OPA1: variants seen among roughly 807,000 people sequenced by gnomAD.
The protein encoded by OPA1 is OPA1 mitochondrial dynamin like GTPase.
In OPA1, 59 loss-of-function variants were observed where a neutral mutation model predicts 152.9. That is an observed-to-expected ratio of 0.39 (90% confidence interval 0.31 to 0.48). OPA1 has a LOEUF of 0.48. Ranked by LOEUF, OPA1 falls within the 20% of genes least tolerant of loss-of-function variation. The probability of loss-of-function intolerance (pLI) is 0.96; values close to 1 mark genes in which losing one functional copy is unlikely to be tolerated. For synonymous variants in OPA1, 400 were observed against 389.9 expected (o/e 1.03, Z -0.31); for missense variants, 1,008 against 1,216.8 (o/e 0.83, Z 2.55).
Position 193,648,872 on chromosome 3 carries a change from G to GT in OPA1, c.2012+2dup. 2 of 1,572,146 alleles carry GT rather than the reference G, an allele frequency of 1.3e-6. No individual in the cohort carries two copies. Among genetic ancestry groups the GT allele is most frequent in the Non-Finnish European group, 1.8e-6 (2 of 1,142,096 alleles). ...TGAGCCAGGTTACACCAAAACATTGGTAAGTATTTGATATTAATCTCTTTT... is the reference window on the plus strand; with the variant it reads ...TGAGCCAGGTTACACCAAAACATTGGTTAAGTATTTGATATTAATCTCTTTT... On this transcript the variant is annotated splice_donor_variant, in intron 21 of 30. Coordinates refer to ENST00000361510, the MANE Select transcript of OPA1 (RefSeq NM_130837.3). LOFTEE classifies it high-confidence loss of function.
chr3:193,665,522 A>G (rs1321847768), intron 27 of OPA1, among the ~76,000 whole-genome samples: 1 of 152,174 alleles, frequency 6.6e-6, no homozygotes, highest in Admixed American at 6.5e-5. Context: ...TTAAATAATC[A>G]TAAAGTTCTT....
chr3:193,595,135 G>C (rs1204287353), intron 1 of OPA1, among the ~76,000 whole-genome samples: 1 of 152,188 alleles, frequency 6.6e-6, no homozygotes, highest in East Asian at 1.9e-4. Context: ...ACCTAAAGAA[G>C]TAGAGATGTG....
chr3:193,625,853 C>T (rs976838468), intron 6 of OPA1, among the ~76,000 whole-genome samples: 5 of 151,232 alleles, frequency 3.3e-5, no homozygotes, highest in African/African-American at 7.3e-5. Context: ...CTTATTATTG[C>T]ACTTTCCTTT....
At chr3:193,674,041 C>T (rs901362097) in intron 29 of OPA1, among the ~76,000 whole-genome samples, 1 of 152,228 alleles carries the variant, frequency 6.6e-6, no homozygotes, top group Non-Finnish European at 1.5e-5. Flanking sequence ...GTCGGGCTCG[C>T]AGCAGCGTGC....
chr3:193,693,250 C>T (rs942961342), intron 30 of OPA1, among the ~76,000 whole-genome samples: 9 of 152,314 alleles, frequency 5.9e-5, no homozygotes, highest in African/African-American at 2.2e-4. Flanking sequence ...TTCCATGGTA[C>T]ATCATTCGGA....
chr3:193,647,933 G>A, intron 19 of OPA1, 137 bp from the exon 20 acceptor site: 1 of 686,864 alleles, frequency 1.5e-6, no homozygotes, highest in Non-Finnish European at 2.7e-6. Flanking sequence ...GAGACGTTGA[G>A]ATCCCAGAGT....
In OPA1 at chr3:193,637,251, C is replaced by T; in HGVS notation, c.1005C>T (p.Ala335=). 6.2e-7 allele frequency: 1 copy of T among 1,606,534 alleles called. No individual in the cohort carries two copies. Among genetic ancestry groups the T allele is most frequent in the Non-Finnish European group, 8.5e-7 (1 of 1,175,012 alleles). ...EVLDVLSDYD[A]SYNTQDHLPR... Reference sequence around the variant, plus strand: ...TTGATGTTCTCTCTGATTATGATGCCAGTTATAATACGCAAGATCATCTGC... The same window carrying T: ...TTGATGTTCTCTCTGATTATGATGCTAGTTATAATACGCAAGATCATCTGC... Residue 335 remains alanine (A), a synonymous_variant, in exon 10 of 31, where the codon GCC becomes GCT. Coordinates refer to ENST00000361510, the MANE Select transcript of OPA1 (RefSeq NM_130837.3).
chr3:193,635,755 G>T (rs1019645301), intron 9 of OPA1, among the ~76,000 whole-genome samples: 8 of 151,942 alleles, frequency 5.3e-5, no homozygotes, highest in Admixed American at 2.0e-4. Flanking sequence ...GAGTTATTTC[G>T]TGTGAATCAG....
intron 29 of OPA1, among the ~76,000 whole-genome samples, chr3:193,683,410 C>T (rs1721231760): frequency 6.6e-6 from 1 of 151,746 alleles, no homozygotes; most frequent in South Asian, 2.1e-4. Flanking sequence ...GTAGATAAAG[C>T]AGCTGCAGGG....
At position 193,667,209 on chromosome 3, in the gene OPA1, A is replaced by T. The variant is rs768115265; in HGVS notation, c.2912A>T (p.Asp971Val). Residue 971 changes from aspartate (D) to valine (V), a missense_variant, in exon 29 of 31, where the codon GAT becomes GTT. Around this residue, in one of 7 missense-constraint regions of OPA1, gnomAD observed 137 missense variants for 171.0 expected, o/e 0.80. Transcript: ENST00000361510. ...LEKNVKEVLE[D>V]FAEDGEKKIK... is the part of the protein sequence containing the mutation. ...AAAAATGTTAAAGAGGTATTGGAAG[A>T]TTTTGCTGAAGATGGTGAGAAGAAG... 12 of 1,607,500 alleles carry T rather than the reference A, an allele frequency of 7.5e-6. No individual in the cohort carries two copies. In the South Asian group the frequency reaches 8.8e-5, roughly 12 times the overall value.
At chr3:193,652,207 C>A (rs528734208) in intron 21 of OPA1, among the ~76,000 whole-genome samples, 2 of 152,104 alleles carry the variant, frequency 1.3e-5, no homozygotes, top group South Asian at 4.2e-4. Flanking sequence ...ATGGTGAAAA[C>A]CCTGTCTCTA....
chr3:193,663,514 G>A (rs1715801000), intron 26 of OPA1, among the ~76,000 whole-genome samples: 1 of 151,878 alleles, frequency 6.6e-6, no homozygotes, highest in South Asian at 2.1e-4. Context: ...TGCTTTTTTT[G>A]AGGATGAATT....
In OPA1 at chr3:193,643,969, T is replaced by C; in HGVS notation, c.1478-6T>C. The C allele has an allele frequency of 1.9e-6, 3 of 1,613,576 alleles. No individual in the cohort carries two copies. The highest frequency in any genetic ancestry group is 2.5e-6 in the Non-Finnish European group (3 of 1,179,692). ...TTCCACAGTGTCATTTTTTTATTTT[T>C]TTCAGATGGATCTGTGGATGCTGAA... On this transcript the variant is annotated splice_region_variant and splice_polypyrimidine_tract_variant and intron_variant, in intron 15 of 30. Transcript: ENST00000361510.
At chr3:193,664,154 C>T (rs1451109484) in intron 26 of OPA1, among the ~76,000 whole-genome samples, 1 of 151,938 alleles carries the variant, frequency 6.6e-6, no homozygotes, top group Non-Finnish European at 1.5e-5. Context: ...GTTCAGTGCA[C>T]TTTGCAAAGC....
intron 7 of OPA1, among the ~76,000 whole-genome samples, chr3:193,630,457 A>G (rs1352674391): frequency 6.6e-6 from 1 of 152,068 alleles, no homozygotes; most frequent in African/African-American, 2.4e-5. Context: ...AAGTATTTAG[A>G]AATAGGAATT....
intron 1 of OPA1, among the ~76,000 whole-genome samples, chr3:193,596,351 C>CTTAT (rs1199731758): frequency 3.3e-4 from 46 of 137,706 alleles, no homozygotes; most frequent in Non-Finnish European, 4.3e-4. Context: ...CTTTTCTTTT[C>CTTAT]TTTTCTTTTC....
chr3:193,605,179 C>T (rs1232686096), intron 1 of OPA1, among the ~76,000 whole-genome samples: 5 of 152,132 alleles, frequency 3.3e-5, no homozygotes, highest in Non-Finnish European at 5.9e-5. Flanking sequence ...TTATGGAATG[C>T]TAGAGAAGGC....
chr3:193,646,905 G>C (rs1039761673), intron 18 of OPA1, among the ~76,000 whole-genome samples, 160 bp from the exon 19 acceptor site: 1 of 152,178 alleles, frequency 6.6e-6, no homozygotes, highest in South Asian at 2.1e-4. Context: ...AGTAGCTACC[G>C]TATTGGAATG....
At chr3:193,648,618 T>TA in intron 20 of OPA1, 177 bp from the exon 21 acceptor site, 1 of 560,064 alleles carries the variant, frequency 1.8e-6, no homozygotes. Context: ...TCTTTGTCCT[T>TA]ATCTGCATAA....
Sources: allele counts gnomAD v4.1 joint callset (sites outside exome capture counted in the v4.1 genomes callset), GRCh38; gene constraint gnomAD v4.1.1; regional missense constraint gnomAD v4.1.1; transcripts MANE v1.5; gene names NCBI Gene and HGNC (gene_info 2026-07-23, HGNC 2026-07-21).